ADARB2: variants seen among roughly 807,000 people sequenced by gnomAD.
The protein encoded by ADARB2 is inactive double-stranded RNA-specific editase B2.
ADARB2 carries 25 observed loss-of-function variants against 62.2 expected under a neutral mutation model. The observed-to-expected ratio is 0.40, with a 90% CI of 0.29 to 0.56. ADARB2 has a LOEUF of 0.56. ADARB2 is among the 20% of genes least tolerant of loss of function. The probability of loss-of-function intolerance (pLI) is 0.43; values close to 1 mark genes in which losing one functional copy is unlikely to be tolerated. For synonymous variants in ADARB2, 572 were observed against 500.8 expected, an observed-to-expected ratio of 1.14 and a Z score of -1.90; for missense variants, 1,071 against 1,077.4, an observed-to-expected ratio of 0.99 and a Z score of 0.08.
chr10:1,381,070 G>A (rs1305034525), intron 1 of ADARB2, among the ~76,000 whole-genome samples: 1 of 152,062 alleles, frequency 6.6e-6, no homozygotes, highest in East Asian at 1.9e-4. Context: ...TAAAAATTCA[G>A]GACATCCAGT....
At chr10:1,385,897 G>A (rs1270189663) in intron 1 of ADARB2, among the ~76,000 whole-genome samples, 1 of 152,030 alleles carries the variant, frequency 6.6e-6, no homozygotes, top group Non-Finnish European at 1.5e-5. Context: ...AGAGAAACAG[G>A]ACATCTTACA....
At chr10:1,717,197 T>C (rs1835030937) in intron 1 of ADARB2, among the ~76,000 whole-genome samples, 1 of 144,224 alleles carries the variant, frequency 6.9e-6, no homozygotes, top group Non-Finnish European at 1.5e-5. Flanking sequence ...TTTAAATCTC[T>C]GAGCTCTTCC....
intron 1 of ADARB2, among the ~76,000 whole-genome samples, chr10:1,406,646 C>T (rs1315310166): frequency 1.3e-5 from 2 of 152,290 alleles, no homozygotes; most frequent in African/African-American, 4.8e-5. Context: ...TCCCTTTTCC[C>T]AGGTTGTCTG....
intron 1 of ADARB2, among the ~76,000 whole-genome samples, chr10:1,498,702 A>T (rs1035119708): frequency 3.3e-5 from 5 of 152,378 alleles, no homozygotes; most frequent in Middle Eastern, 3.4e-3. Flanking sequence ...TGAATGAAAG[A>T]CGTAAAACAC....
At chr10:1,285,223 C>T (rs1413456028) in intron 3 of ADARB2, among the ~76,000 whole-genome samples, 1 of 152,188 alleles carries the variant, frequency 6.6e-6, no homozygotes, top group Non-Finnish European at 1.5e-5. Flanking sequence ...GGTCTCTTGG[C>T]AGCGGGGCAG....
At position 1,398,413 on chromosome 10, in the gene ADARB2, G is replaced by A. The variant is rs1293745553; in HGVS notation, c.101-19253C>T. Reference sequence around the variant, plus strand: ...ACATCTGGCCTTTCACCTGTGCATGGTTGGGAGGGAGACGGGTTTCTTCCT... The same window carrying A: ...ACATCTGGCCTTTCACCTGTGCATGATTGGGAGGGAGACGGGTTTCTTCCT... On this transcript the variant is annotated intron_variant, in intron 1 of 9. Transcript: ENST00000381312. This position sits in a 1 kb window ranked among gnomAD's most constrained non-coding sequence, Gnocchi z 4.1. 6.6e-6 allele frequency among the ~76,000 whole-genome samples: 1 copy of A among 152,228 alleles called. No individual in the cohort carries two copies. Among genetic ancestry groups the A allele is most frequent in the Non-Finnish European group, 1.5e-5 (1 of 68,042 alleles).
chr10:1,353,853 C>T (rs952913197), intron 3 of ADARB2, among the ~76,000 whole-genome samples: 1 of 152,160 alleles, frequency 6.6e-6, no homozygotes, highest in Non-Finnish European at 1.5e-5. Context: ...GGAAGACACC[C>T]TGTATTTCAC....
At chr10:1,220,980 C>G (rs1161507459) in intron 6 of ADARB2, among the ~76,000 whole-genome samples, 1 of 152,212 alleles carries the variant, frequency 6.6e-6, no homozygotes, top group Non-Finnish European at 1.5e-5. Flanking sequence ...GGGATGCCTT[C>G]TCCACAGGCT....
At chr10:1,565,163 T>C (rs1006649290) in intron 1 of ADARB2, among the ~76,000 whole-genome samples, 9 of 152,264 alleles carry the variant, frequency 5.9e-5, no homozygotes, top group Admixed American at 2.6e-4. Flanking sequence ...CCTCTCATTG[T>C]GCTCTGGCCT....
intron 1 of ADARB2, among the ~76,000 whole-genome samples, chr10:1,684,016 G>A (rs1192227373): frequency 6.6e-6 from 1 of 152,222 alleles, no homozygotes; most frequent in East Asian, 1.9e-4. Context: ...GGATGCCTGT[G>A]CGCTGTGATC....
intron 1 of ADARB2, among the ~76,000 whole-genome samples, chr10:1,471,898 C>A (rs550197841): frequency 6.6e-6 from 1 of 152,330 alleles, no homozygotes; most frequent in East Asian, 1.9e-4. Flanking sequence ...CCCTCCACAT[C>A]CCCCTTCCTA....
chr10:1,714,346 C>A (rs1244324325), intron 1 of ADARB2, among the ~76,000 whole-genome samples: 1 of 152,208 alleles, frequency 6.6e-6, no homozygotes, highest in Non-Finnish European at 1.5e-5. Context: ...TTTTTTAAGG[C>A]TAATTGCCAA....
intron 1 of ADARB2, among the ~76,000 whole-genome samples, chr10:1,546,963 G>T (rs1163716287): frequency 6.6e-6 from 1 of 152,218 alleles, no homozygotes; most frequent in Non-Finnish European, 1.5e-5. Context: ...GGGAAAGGGT[G>T]AACAACCCAG....
chr10:1,309,062 C>T (rs1013972532), intron 3 of ADARB2, among the ~76,000 whole-genome samples: 3 of 152,140 alleles, frequency 2.0e-5, no homozygotes, highest in African/African-American at 4.8e-5. Context: ...TTAGACTAAC[C>T]GAAGTCCATG....
chr10:1,619,633 G>A (rs1833684616), intron 1 of ADARB2, among the ~76,000 whole-genome samples: 1 of 152,096 alleles, frequency 6.6e-6, no homozygotes, highest in South Asian at 2.1e-4. Context: ...TATATTTTTA[G>A]TAGAGATGGG....
intron 8 of ADARB2, among the ~76,000 whole-genome samples, chr10:1,193,979 G>A (rs1836875057): frequency 6.6e-6 from 1 of 151,986 alleles, no homozygotes; most frequent in African/African-American, 2.4e-5. Context: ...TGTTTGTCTT[G>A]GAAATTCTTA....
chr10:1,681,481 A>T (rs56184560), intron 1 of ADARB2, among the ~76,000 whole-genome samples: 17,014 of 149,696 alleles, frequency 0.11, 1,035 homozygotes, highest in East Asian at 0.22. Context: ...AGCTTAAAAA[A>T]TATTAAAAAA....
intron 3 of ADARB2, among the ~76,000 whole-genome samples, chr10:1,335,557 G>A (rs1831966358): frequency 6.6e-6 from 1 of 151,912 alleles, no homozygotes; most frequent in Non-Finnish European, 1.5e-5. Flanking sequence ...ATGGAGAGAG[G>A]GGTGGAAAGA....
chr10:1,530,711 G>C (rs1038119062), intron 1 of ADARB2, among the ~76,000 whole-genome samples: 2 of 152,206 alleles, frequency 1.3e-5, no homozygotes, highest in Non-Finnish European at 2.9e-5. Context: ...TCAAGTCATG[G>C]CCCACACTCT....
Sources: gnomAD v4.1 joint callset for allele counts (sites outside exome capture counted in the v4.1 genomes callset) on GRCh38, gnomAD v4.1.1 for gene constraint, Gnocchi (gnomAD v3.1) non-coding constraint, MANE v1.5 for transcripts, NCBI Gene and HGNC (gene_info 2026-07-23, HGNC 2026-07-21) for gene names.